GFM1: variants seen among roughly 807,000 people sequenced by gnomAD.
The protein encoded by GFM1 is elongation factor G, mitochondrial.
A neutral mutation model predicts 96.2 loss-of-function variants in GFM1; 62 were observed. The observed-to-expected ratio is 0.64, with a 90% CI of 0.53 to 0.80. The LOEUF is 0.80. Among genes scored for constraint, GFM1 ranks in the 30% least tolerant of loss-of-function variants. The pLI is 0.00. For missense variants in GFM1, 852 were observed against 916.6 expected, an observed-to-expected ratio of 0.93 and a Z score of 0.91; for synonymous variants, 282 against 312.9, an observed-to-expected ratio of 0.90 and a Z score of 1.04.
At chr3:158,653,523 C>A (rs973393706) in intron 7 of GFM1, 56 bp downstream of exon 7, 1 of 1,274,198 alleles carries the variant, frequency 7.8e-7, no homozygotes, top group Non-Finnish European at 1.1e-6. Flanking sequence ...TATTTATGCA[C>A]TGTGAAGGAA....
chr3:158,646,369 C>G, intron 3 of GFM1, 72 bp downstream of exon 3: 1 of 1,516,054 alleles, frequency 6.6e-7, no homozygotes, highest in Non-Finnish European at 9.1e-7. Context: ...TTACTGTGAC[C>G]CAATTAGTTT....
chr3:158,684,775 A>G (rs531959293), intron 15 of GFM1, 107 bp downstream of exon 15: 27 of 1,166,570 alleles, frequency 2.3e-5, no homozygotes, highest in Admixed American at 3.5e-5. Context: ...ACTAGGCTCC[A>G]CAGGGAATAT....
intron 15 of GFM1, among the ~76,000 whole-genome samples, chr3:158,689,825 T>G (rs956744393): frequency 5.3e-5 from 8 of 152,136 alleles, no homozygotes; most frequent in Non-Finnish European, 7.3e-5. Context: ...CTGACGATTT[T>G]CAGAGAGAAT....
rs184188467 is a variant in GFM1, at chr3:158,693,012, T to C, written c.*1545T>C. On this transcript the variant is annotated 3_prime_UTR_variant, in exon 18 of 18. Transcript: ENST00000486715. The stretch of plus-strand genomic sequence containing the variant: ...CTGGCTGCTAAATACTTTAAATGCA[T>C]TGTATAATTTCATTCTCACAACCCC... 6.6e-5 allele frequency: 10 copies of C among 152,300 alleles called. No individual in the cohort carries two copies. The East Asian group carries it at 1.9e-3, about 29-fold the overall frequency. 9.4% of individuals were successfully genotyped at this position (152,300 alleles called of 1,614,324 possible). A position where few individuals can be genotyped will look rare whatever the true frequency, so the allele number is the denominator to read the frequency against.
At position 158,680,779 on chromosome 3, in the gene GFM1, T is replaced by C. The variant is rs149674084; in HGVS notation, c.1602-1216T>C. ...ACATAAGCCTGGCACATAAGTATTC[T>C]GTTGTTTGGCACGCTCTCGATTATA... On this transcript the variant is annotated intron_variant, in intron 13 of 17. Coordinates refer to ENST00000486715, the MANE Select transcript of GFM1 (RefSeq NM_024996.7). Among the ~76,000 whole-genome samples, 14 of 152,310 alleles carry C rather than the reference T, an allele frequency of 9.2e-5. No individual in the cohort carries two copies. In the East Asian group the frequency reaches 2.3e-3, roughly 25 times the overall value.
At position 158,653,293 on chromosome 3, in the gene GFM1, A is replaced by T; in HGVS notation, c.841-17A>T. Reference sequence around the variant, plus strand: ...TAATTTTAACATTAACTACCATTAAATTGTTTTCTTTTGTAGCTAGCAATT... The same window carrying T: ...TAATTTTAACATTAACTACCATTAATTTGTTTTCTTTTGTAGCTAGCAATT... On this transcript the variant is annotated splice_polypyrimidine_tract_variant and intron_variant, in intron 6 of 17. Coordinates refer to ENST00000486715, the MANE Select transcript of GFM1 (RefSeq NM_024996.7). 1 of 1,604,372 alleles carries T rather than the reference A, an allele frequency of 6.2e-7. No individual in the cohort carries two copies. Among genetic ancestry groups the T allele is most frequent in the Non-Finnish European group, 8.5e-7 (1 of 1,172,418 alleles).
At chr3:158,680,673 G>A (rs1445460483) in intron 13 of GFM1, among the ~76,000 whole-genome samples, 1 of 152,158 alleles carries the variant, frequency 6.6e-6, no homozygotes, top group African/African-American at 2.4e-5. Flanking sequence ...GGTTTCTCAT[G>A]TGTAAAATGG....
intron 11 of GFM1, among the ~76,000 whole-genome samples, chr3:158,663,763 A>G (rs1343769246): frequency 6.6e-6 from 1 of 152,228 alleles, no homozygotes; most frequent in Admixed American, 6.5e-5. Context: ...TTAACTGTTG[A>G]TAATTTACAA....
Position 158,692,681 on chromosome 3 carries a change from A to AT in GFM1, c.*1214_*1215insT, listed in dbSNP as rs112180546. ...CATGTTTTCAAGGCATTTGCTAAAT[A>AT]CTTTTTTTTTTTTAATTTTTATTTT... On this transcript the variant is annotated 3_prime_UTR_variant, in exon 18 of 18. Coordinates refer to ENST00000486715, the MANE Select transcript of GFM1 (RefSeq NM_024996.7). 10 of 151,754 alleles carry AT rather than the reference A, an allele frequency of 6.6e-5. No individual in the cohort carries two copies. Among genetic ancestry groups the AT allele is most frequent in the African/African-American group, 2.2e-4 (9 of 41,402 alleles). 9.4% of individuals were successfully genotyped at this position (151,754 alleles called of 1,614,324 possible).
chr3:158,658,927 T>A lies in GFM1; in HGVS notation c.1089T>A (p.Gly363=). 2 of 1,614,154 alleles carry A rather than the reference T, an allele frequency of 1.2e-6. No homozygotes were observed. The highest frequency in any genetic ancestry group is 1.1e-5 in the South Asian group (1 of 91,084). Residue 363 remains glycine, a synonymous_variant, in exon 9 of 18, where the codon GGT becomes GGA. Transcript: ENST00000486715. ...TACCCAATCTTGACTTCTAGGTAGG[T>A]CGATTTGGACAATTAACTTATGTTC... The part of the protein sequence containing the change: ...FVGLAFKLEV[G]RFGQLTYVRS...
At chr3:158,649,331 GTATT>G in intron 5 of GFM1, 174 bp downstream of exon 5, 1 of 496,976 alleles carries the variant, frequency 2.0e-6, no homozygotes, top group South Asian at 2.2e-5. Flanking sequence ...ATTTTATTTA[GTATT>G]TATTCTGTGA....
rs769214430 is a variant in GFM1, at chr3:158,682,126, T to C, written c.1733T>C (p.Ile578Thr). The C allele has an allele frequency of 2.5e-6, 4 of 1,613,850 alleles. No individual in the cohort carries two copies. The highest frequency in any genetic ancestry group is 2.5e-6 in the Non-Finnish European group (3 of 1,179,878). ...EFSDETFGSN[I>T]PKQFVPAVEK... ...TCAGATGAAACATTCGGATCAAATA[T>C]TCCAAAGCAGTTTGTGCCTGCTGTA... The change falls in exon 14 of 18, where the codon ATT (isoleucine) becomes ACT (threonine). Residue 578 changes from isoleucine (I) to threonine (T), a missense_variant. By Grantham distance (89) the Ile-to-Thr change is moderately conservative. Transcript: ENST00000486715.
intron 5 of GFM1, chr3:158,649,966 C>G: frequency 1.3e-6 from 2 of 1,492,814 alleles, no homozygotes; most frequent in Non-Finnish European, 9.0e-7. Context: ...ATCCTTTGTT[C>G]TGAGGAGTGA....
intron 4 of GFM1, 77 bp downstream of exon 4, chr3:158,647,024 C>A: frequency 1.8e-6 from 2 of 1,118,882 alleles, no homozygotes; most frequent in South Asian, 1.3e-5. Flanking sequence ...GTGATTAATT[C>A]ACTGTCATTA....
chr3:158,646,241 C>T lies in GFM1; in HGVS notation c.311C>T (p.Ser104Leu). The T allele has an allele frequency of 1.2e-6, 2 of 1,613,882 alleles. No homozygotes were observed. Among genetic ancestry groups the T allele is most frequent in the Non-Finnish European group, 1.7e-6 (2 of 1,179,736 alleles). ...AGACAAAGAGGAATCACTATTCAGT[C>T]AGCAGCCACTTACACCATGTGGAAA... is the stretch of plus-strand genomic sequence containing the variant. The part of the protein sequence containing the change: ...LERQRGITIQ[S>L]AATYTMWKDV... The change falls in exon 3 of 18, where the codon TCA (serine) becomes TTA (leucine). Residue 104 changes from serine (S) to leucine (L), a missense_variant. By Grantham distance (145) the Ser-to-Leu change is moderately radical. Transcript: ENST00000486715.
Position 158,693,821 on chromosome 3 carries a change from T to C in GFM1, c.*2354T>C, listed in dbSNP as rs1206555202. ...AAATACCTAGGCCTACACCCAGATA[T>C]TTAGATTATTTGGCTGGATCAAGAT... On this transcript the variant is annotated 3_prime_UTR_variant, in exon 18 of 18. Transcript: ENST00000486715. The C allele has an allele frequency of 2.0e-5, 3 of 152,182 alleles. No homozygotes were observed. Among genetic ancestry groups the C allele is most frequent in the Non-Finnish European group, 4.4e-5 (3 of 68,028 alleles). 9.4% of individuals were successfully genotyped at this position (152,182 alleles called of 1,614,324 possible). A position where few individuals can be genotyped will look rare whatever the true frequency, so the allele number is the denominator to read the frequency against.
chr3:158,686,692 GA>G (rs1725882075), intron 15 of GFM1, among the ~76,000 whole-genome samples: 1 of 144,144 alleles, frequency 6.9e-6, no homozygotes, highest in Admixed American at 7.0e-5. Context: ...ATATACAGGG[GA>G]AAAACACTAG....
chr3:158,645,633 A>AT lies in GFM1; in HGVS notation c.88dup (p.Trp30LeufsTer14). 1 of 1,612,630 alleles carries AT rather than the reference A, an allele frequency of 6.2e-7. No homozygotes were observed. Among genetic ancestry groups the AT allele is most frequent in the Non-Finnish European group, 8.5e-7 (1 of 1,178,680 alleles). ...GAGCTCTCGTATTTTTTTCAGGTTA[A>AT]TTGGAAGGCCTGCCGATGGTCTTCA... On this transcript the variant is annotated frameshift_variant, in exon 2 of 18. Coordinates refer to ENST00000486715, the MANE Select transcript of GFM1 (RefSeq NM_024996.7). LOFTEE classifies it high-confidence loss of function.
intron 13 of GFM1, among the ~76,000 whole-genome samples, chr3:158,676,518 G>T (rs1724910851): frequency 6.6e-6 from 1 of 152,032 alleles, no homozygotes; most frequent in South Asian, 2.1e-4. Context: ...AAAGTGAGTT[G>T]TCAGAATATT....
Sources: allele counts gnomAD v4.1 joint callset (sites outside exome capture counted in the v4.1 genomes callset), GRCh38; gene constraint gnomAD v4.1.1; transcripts MANE v1.5; gene names NCBI Gene and HGNC (gene_info 2026-07-23, HGNC 2026-07-21).